Variants in USP13 observed in about 807,000 individuals in gnomAD.
USP13 encodes the protein ubiquitin specific peptidase 13.
Under a neutral mutation model 107.8 loss-of-function variants are expected in USP13, and 68 were observed. The observed-to-expected ratio is 0.63, with a 90% CI of 0.52 to 0.77. The LOEUF (loss-of-function observed/expected upper bound fraction) is 0.77. Among genes scored for constraint, USP13 ranks in the 30% least tolerant of loss-of-function variants. The probability of loss-of-function intolerance (pLI) is 0.00; values close to 1 mark genes in which losing one functional copy is unlikely to be tolerated. For synonymous variants in USP13, 377 were observed against 389.5 expected, an observed-to-expected ratio of 0.97 and a Z score of 0.38; for missense variants, 945 against 1,093.3, an observed-to-expected ratio of 0.86 and a Z score of 1.91.
At chr3:179,700,656 C>T (rs374330907) in intron 3 of USP13, among the ~76,000 whole-genome samples, 1 of 152,088 alleles carries the variant, frequency 6.6e-6, no homozygotes, top group Non-Finnish European at 1.5e-5. Context: ...CCTGACACAT[C>T]GTAATTACCA....
At chr3:179,763,893 T>C in intron 17 of USP13, 109 bp from the exon 18 acceptor site, 1 of 1,395,284 alleles carries the variant, frequency 7.2e-7, no homozygotes, top group Non-Finnish European at 9.5e-7. Flanking sequence ...GCCCAGACTG[T>C]CTTGATTATT....
chr3:179,756,981 T>C, intron 15 of USP13, 71 bp from the exon 16 acceptor site: 1 of 1,552,480 alleles, frequency 6.4e-7, no homozygotes. Context: ...CCTGGATCAA[T>C]GGGTTTTCTT....
chr3:179,673,507 C>T (rs898555741), intron 1 of USP13, among the ~76,000 whole-genome samples: 13 of 152,136 alleles, frequency 8.5e-5, no homozygotes, highest in African/African-American at 2.4e-4. Context: ...AAGGTACTGG[C>T]GGCAAACTCA....
intron 3 of USP13, among the ~76,000 whole-genome samples, chr3:179,699,242 A>G (rs1033004307): frequency 6.6e-6 from 1 of 152,208 alleles, no homozygotes; most frequent in African/African-American, 2.4e-5. Flanking sequence ...TCACATTTTC[A>G]TAATATATAG....
chr3:179,739,488 G>C (rs115815529), intron 10 of USP13, among the ~76,000 whole-genome samples: 2 of 152,210 alleles, frequency 1.3e-5, no homozygotes, highest in Non-Finnish European at 2.9e-5. Context: ...TTCAGGAGGG[G>C]TCCTCTCCTA....
intron 8 of USP13, among the ~76,000 whole-genome samples, chr3:179,723,856 G>A (rs892501507): frequency 1.3e-5 from 2 of 152,060 alleles, no homozygotes; most frequent in Admixed American, 1.3e-4. Context: ...TTTGAAAGTA[G>A]AAAAAGTGAC....
Position 179,681,940 on chromosome 3 carries a change from T to A in USP13, c.231T>A (p.Val77=). Residue 77 remains valine (V), a synonymous_variant, in exon 2 of 21, where the codon GTT becomes GTA. Coordinates refer to ENST00000263966, the MANE Select transcript of USP13 (RefSeq NM_003940.3). The stretch of plus-strand genomic sequence containing the variant: ...TTTTGGCCTTTGGAAGGGAACATGT[T>A]GAAAGACATTTTCGAAAAACTGGAC... ...NTFLAFGREH[V]ERHFRKTGQS... 6.2e-7 allele frequency: 1 copy of A among 1,614,140 alleles called. No homozygotes were observed. Among genetic ancestry groups the A allele is most frequent in the Non-Finnish European group, 8.5e-7 (1 of 1,180,002 alleles).
intron 6 of USP13, among the ~76,000 whole-genome samples, chr3:179,719,548 G>A (rs1051970789): frequency 3.9e-5 from 6 of 151,958 alleles, no homozygotes; most frequent in African/African-American, 7.2e-5. Flanking sequence ...CTGCCGTGGC[G>A]GATGGCCGTC....
rs1336088193 is a variant in USP13, at chr3:179,682,010, G to T, written c.294+7G>T. The T allele has an allele frequency of 6.2e-7, 1 of 1,609,558 alleles. No individual in the cohort carries two copies. The highest frequency in any genetic ancestry group is 1.3e-5 in the African/African-American group (1 of 74,870). On this transcript the variant is annotated splice_region_variant and intron_variant, in intron 2 of 20. Transcript: ENST00000263966. ...GAAAAGACATGTGCGAGAGGTGAGA[G>T]CGGCACTTTCAGAGAACTGGCCTTG...
At chr3:179,726,471 A>G (rs1437519047) in intron 8 of USP13, among the ~76,000 whole-genome samples, 2 of 152,208 alleles carry the variant, frequency 1.3e-5, no homozygotes, top group Non-Finnish European at 2.9e-5. Flanking sequence ...TAGGAAGTGA[A>G]TTTAAGAAGT....
At chr3:179,750,528 A>G (rs1714575307) in intron 13 of USP13, among the ~76,000 whole-genome samples, 1 of 151,922 alleles carries the variant, frequency 6.6e-6, no homozygotes, top group Non-Finnish European at 1.5e-5. Flanking sequence ...TTGGGATGAT[A>G]AAGCTCCTGT....
intron 8 of USP13, among the ~76,000 whole-genome samples, chr3:179,724,460 G>GAAAAA (rs10671346): frequency 4.7e-5 from 4 of 84,758 alleles, no homozygotes; most frequent in East Asian, 3.3e-4. Flanking sequence ...TCTGTCTCAA[G>GAAAAA]AAAAAAAAAA....
At chr3:179,668,488 G>C (rs1157144190) in intron 1 of USP13, among the ~76,000 whole-genome samples, 1 of 152,210 alleles carries the variant, frequency 6.6e-6, no homozygotes, top group African/African-American at 2.4e-5. Context: ...ACTATTGTAT[G>C]CTGGTAATTC....
At position 179,700,689 on chromosome 3, in the gene USP13, C is replaced by T. The variant is rs201327529; in HGVS notation, c.356-319C>T. On this transcript the variant is annotated intron_variant, in intron 3 of 20. Transcript: ENST00000263966. ...CCAATCCTTGCCTTTTTAAGAGTTT[C>T]TAAGAAATTTTCTTTCTGAGAAATT... Among the ~76,000 whole-genome samples, 11 of 152,318 alleles carry T rather than the reference C, an allele frequency of 7.2e-5. No homozygotes were observed. In the East Asian group the frequency reaches 1.3e-3, roughly 19 times the overall value.
At chr3:179,744,262 T>C (rs1165253752) in intron 12 of USP13, among the ~76,000 whole-genome samples, 1 of 152,146 alleles carries the variant, frequency 6.6e-6, no homozygotes, top group Non-Finnish European at 1.5e-5. Context: ...CCATGACCTC[T>C]AATCATAGTT....
Position 179,788,316 on chromosome 3 carries a change from TG to T in USP13, c.*4176del, listed in dbSNP as rs1715968905. On this transcript the variant is annotated 3_prime_UTR_variant, in exon 21 of 21. Transcript: ENST00000263966. ...GCTATAGAACAAGGTTCTGTACTCTTGAGTTGGTGTCTGAGATCACCTGCAC... is the reference window on the plus strand; with the variant it reads ...GCTATAGAACAAGGTTCTGTACTCTTAGTTGGTGTCTGAGATCACCTGCAC... 1.3e-5 allele frequency: 2 copies of T among 152,326 alleles called. No individual in the cohort carries two copies. The highest frequency in any genetic ancestry group is 4.8e-5 in the African/African-American group (2 of 41,568). The allele number at this position is 152,326 out of a possible 1,614,324, so 9.4% of individuals were successfully genotyped here.
rs1350842347 is a variant in USP13, at chr3:179,783,286, T to A, written c.2499-762T>A. 2.6e-5 allele frequency among the ~76,000 whole-genome samples: 4 copies of A among 152,162 alleles called. No individual in the cohort carries two copies. In the East Asian group the frequency reaches 7.7e-4, roughly 29 times the overall value. On this transcript the variant is annotated intron_variant, in intron 20 of 20. Coordinates refer to ENST00000263966, the MANE Select transcript of USP13 (RefSeq NM_003940.3). ...TGTCTACATTTTGATATACTTTTCT[T>A]TGTTTTATTGTCTCACTGGAAGAAA...
chr3:179,708,266 C>A (rs976340042), intron 5 of USP13, among the ~76,000 whole-genome samples: 5 of 151,678 alleles, frequency 3.3e-5, no homozygotes, highest in African/African-American at 1.2e-4. Context: ...GGGAGGCAGG[C>A]AGGGTGCTGA....
At chr3:179,740,397 C>A in intron 11 of USP13, 25 bp downstream of exon 11, 1 of 1,613,582 alleles carries the variant, frequency 6.2e-7, no homozygotes, top group African/African-American at 1.3e-5. Context: ...TTCACGGATG[C>A]TCAGCGGGGT....
Sources: gnomAD v4.1 joint callset for allele counts (sites outside exome capture counted in the v4.1 genomes callset) on GRCh38, gnomAD v4.1.1 for gene constraint, MANE v1.5 for transcripts, NCBI Gene and HGNC (gene_info 2026-07-23, HGNC 2026-07-21) for gene names.